Variants in SLX4IP observed in about 807,000 individuals in gnomAD.
SLX4IP encodes protein SLX4IP.
A neutral mutation model predicts 32.9 loss-of-function variants in SLX4IP; 34 were observed. That is an observed-to-expected ratio of 1.03 (90% CI 0.79 to 1.38). The LOEUF is 1.38. Among genes scored for constraint, SLX4IP ranks in the 40% most tolerant of loss-of-function variants. The pLI is 0.00. For missense variants in SLX4IP, 444 were observed against 479.0 expected (o/e 0.93, Z 0.68); for synonymous variants, 172 against 171.7 (o/e 1.00, Z -0.01).
At chr20:10,549,958 C>T (rs919488666) in intron 2 of SLX4IP, among the ~76,000 whole-genome samples, 2 of 152,128 alleles carry the variant, frequency 1.3e-5, no homozygotes, top group Non-Finnish European at 2.9e-5. Context: ...TTTTCTAGAA[C>T]TTTTTTGTAA....
chr20:10,606,446 G>T (rs986277234), intron 6 of SLX4IP, among the ~76,000 whole-genome samples: 1 of 152,100 alleles, frequency 6.6e-6, no homozygotes, highest in Non-Finnish European at 1.5e-5. Context: ...GATTTTTCAT[G>T]ATCTATCATA....
At chr20:10,606,024 A>G (rs190159243) in intron 6 of SLX4IP, among the ~76,000 whole-genome samples, 116 of 152,338 alleles carry the variant, frequency 7.6e-4, no homozygotes, top group Admixed American at 1.4e-3. Flanking sequence ...TTTGTGGGCC[A>G]TAGCCCTCCT....
chr20:10,529,360 G>A (rs867124320), intron 2 of SLX4IP, among the ~76,000 whole-genome samples: 4 of 151,894 alleles, frequency 2.6e-5, no homozygotes, highest in East Asian at 1.9e-4. Flanking sequence ...AGGCCGAGGC[G>A]GGTGGATCAC....
At chr20:10,460,580 T>G (rs1373313796) in intron 2 of SLX4IP, among the ~76,000 whole-genome samples, 1 of 152,048 alleles carries the variant, frequency 6.6e-6, no homozygotes, top group Non-Finnish European at 1.5e-5. Flanking sequence ...GGTGGCTGAG[T>G]TTTGAGGGGT....
chr20:10,505,809 C>CT (rs942964756), intron 2 of SLX4IP, among the ~76,000 whole-genome samples: 89 of 148,802 alleles, frequency 6.0e-4, no homozygotes, highest in East Asian at 2.7e-3. Flanking sequence ...TACATTAATT[C>CT]TTTTTTTTTT....
intron 2 of SLX4IP, among the ~76,000 whole-genome samples, chr20:10,495,890 TTTG>T (rs2065663378): frequency 6.6e-6 from 1 of 152,124 alleles, no homozygotes; most frequent in South Asian, 2.1e-4. Context: ...TGGGTTTTTT[TTTG>T]TTGTTGTTAT....
chr20:10,602,450 G>A lies in SLX4IP; in HGVS notation c.405+631G>A, dbSNP rs144984836. 7.9e-5 allele frequency among the ~76,000 whole-genome samples: 12 copies of A among 152,318 alleles called. No individual in the cohort carries two copies. The East Asian group carries it at 2.1e-3, about 27-fold the overall frequency. On this transcript the variant is annotated intron_variant, in intron 6 of 7. Coordinates refer to ENST00000334534, the MANE Select transcript of SLX4IP (RefSeq NM_001009608.3). ...ATAAAACTGACTCAGAATTGCAGCTGACTGCTTTGTCTTTTAAGCTGAACA... is the reference window on the plus strand; with the variant it reads ...ATAAAACTGACTCAGAATTGCAGCTAACTGCTTTGTCTTTTAAGCTGAACA...
At chr20:10,529,574 G>A (rs861371) in intron 2 of SLX4IP, among the ~76,000 whole-genome samples, 76,207 of 133,754 alleles carry the variant, frequency 0.57, 22,296 homozygotes, top group South Asian at 0.71. Flanking sequence ...CTGGGTGACC[G>A]TGTGAGACTC....
chr20:10,453,869 C>T (rs946656505), intron 1 of SLX4IP, among the ~76,000 whole-genome samples: 2 of 151,982 alleles, frequency 1.3e-5, no homozygotes, highest in Admixed American at 1.3e-4. Flanking sequence ...TTTATTGTCT[C>T]TTTTCATTTT....
At chr20:10,597,894 G>C (rs6077843) in intron 4 of SLX4IP, among the ~76,000 whole-genome samples, 16,703 of 152,126 alleles carry the variant, frequency 0.11, 1,241 homozygotes, top group Non-Finnish European at 0.17. Flanking sequence ...TGGTGAGTTG[G>C]AGAAATTATT....
At chr20:10,569,814 T>C (rs553047678) in intron 4 of SLX4IP, among the ~76,000 whole-genome samples, 1 of 152,336 alleles carries the variant, frequency 6.6e-6, no homozygotes, top group Non-Finnish European at 1.5e-5. Flanking sequence ...CCGCTATAAA[T>C]GTCTTTGTCT....
chr20:10,600,543 T>C (rs1338909455), intron 5 of SLX4IP, among the ~76,000 whole-genome samples: 3 of 152,202 alleles, frequency 2.0e-5, no homozygotes, highest in Non-Finnish European at 4.4e-5. Flanking sequence ...CAACAACTCA[T>C]TGGGCCTCTT....
At chr20:10,587,814 G>A (rs1307992314) in intron 4 of SLX4IP, among the ~76,000 whole-genome samples, 2 of 150,450 alleles carry the variant, frequency 1.3e-5, no homozygotes, top group Non-Finnish European at 3.0e-5. Context: ...GAATGAACTT[G>A]GATCTTTATC....
chr20:10,518,493 CCTT>C (rs1174591279), intron 2 of SLX4IP, among the ~76,000 whole-genome samples: 50 of 12,638 alleles, frequency 4.0e-3, no homozygotes, highest in African/African-American at 0.023. Flanking sequence ...CTTTCCTTTT[CCTT>C]CCTTCCTTCC....
Position 10,627,322 on chromosome 20 carries a change from A to G in SLX4IP, c.*3943A>G, listed in dbSNP as rs2067184354. ...TATTGAAACATTAATGAACTGAAAC[A>G]CGTTGAAGCAAGTAAAAAATCAAAA... On this transcript the variant is annotated 3_prime_UTR_variant, in exon 8 of 8. Coordinates refer to ENST00000334534, the MANE Select transcript of SLX4IP (RefSeq NM_001009608.3). 1 of 152,216 alleles carries G rather than the reference A, an allele frequency of 6.6e-6. No individual in the cohort carries two copies. Among genetic ancestry groups the G allele is most frequent in the South Asian group, 2.1e-4 (1 of 4,832 alleles). The allele number at this position is 152,216 out of a possible 1,614,324, so 9.4% of individuals were successfully genotyped here. A position where few individuals can be genotyped will look rare whatever the true frequency, so the allele number is the denominator to read the frequency against.
At chr20:10,509,634 C>A (rs1311031279) in intron 2 of SLX4IP, among the ~76,000 whole-genome samples, 1 of 152,022 alleles carries the variant, frequency 6.6e-6, no homozygotes, top group Non-Finnish European at 1.5e-5. Context: ...ATGTTCATTG[C>A]AGCATTGTTT....
intron 6 of SLX4IP, among the ~76,000 whole-genome samples, chr20:10,607,490 T>C (rs2066918784): frequency 6.6e-6 from 1 of 152,236 alleles, no homozygotes; most frequent in South Asian, 2.1e-4. Context: ...GAAAGAATTC[T>C]CATGGTGCTT....
At chr20:10,504,375 G>A (rs1175736098) in intron 2 of SLX4IP, among the ~76,000 whole-genome samples, 1 of 152,160 alleles carries the variant, frequency 6.6e-6, no homozygotes, top group Non-Finnish European at 1.5e-5. Context: ...GGTCCCTTGT[G>A]GGAGCCCCTG....
At position 10,581,381 on chromosome 20, in the gene SLX4IP, A is replaced by G. The variant is rs887658575; in HGVS notation, c.239-17294A>G. On this transcript the variant is annotated intron_variant, in intron 4 of 7. Transcript: ENST00000334534. ...GGTGGGAGACATCTGCCACTGAGAA[A>G]AGATGAAGACAAACCTAGCAAACCA... is the stretch of plus-strand genomic sequence containing the variant. 2.6e-5 allele frequency among the ~76,000 whole-genome samples: 4 copies of G among 152,308 alleles called. No individual in the cohort carries two copies. In the East Asian group the frequency reaches 5.8e-4, roughly 22 times the overall value.
Sources: allele counts gnomAD v4.1 joint callset (sites outside exome capture counted in the v4.1 genomes callset), GRCh38; gene constraint gnomAD v4.1.1; transcripts MANE v1.5; gene names NCBI Gene and HGNC (gene_info 2026-07-23, HGNC 2026-07-21).